CDH2: variants seen among roughly 807,000 people sequenced by gnomAD.
The protein encoded by CDH2 is cadherin-2.
In CDH2, 17 loss-of-function variants were observed where a neutral mutation model predicts 92.0. The ratio of observed to expected loss-of-function variants is 0.18; its 90% CI spans 0.13 to 0.28. The LOEUF (loss-of-function observed/expected upper bound fraction) is 0.28. Ranked by LOEUF, CDH2 falls within the 10% of genes least tolerant of loss-of-function variation. The pLI, the probability that CDH2 is intolerant of heterozygous loss-of-function variation, is 1.00. For synonymous variants in CDH2, 419 were observed against 415.9 expected, an observed-to-expected ratio of 1.01 and a Z score of -0.09; for missense variants, 862 against 1,133.1, an observed-to-expected ratio of 0.76 and a Z score of 3.44.
At chr18:28,069,092 T>C (rs1306834192) in intron 2 of CDH2, among the ~76,000 whole-genome samples, 1 of 152,206 alleles carries the variant, frequency 6.6e-6, no homozygotes, top group East Asian at 1.9e-4. Context: ...ATATGAAAAT[T>C]AATTCATCTC....
chr18:28,151,568 T>C (rs12959675), intron 1 of CDH2, among the ~76,000 whole-genome samples: 1 of 152,142 alleles, frequency 6.6e-6, no homozygotes, highest in East Asian at 1.9e-4. Flanking sequence ...AGGATCACTG[T>C]CTGCTCAAGT....
chr18:27,937,883 C>T lies in CDH2; in HGVS notation c.1152-4759G>A, dbSNP rs762548328. Among the ~76,000 whole-genome samples the T allele has an allele frequency of 3.3e-5, 5 of 152,134 alleles. No homozygotes were observed. In the South Asian group the frequency reaches 6.2e-4, roughly 19 times the overall value. On this transcript the variant is annotated intron_variant, in intron 6 of 6. Coordinates refer to the CDH2 transcript ENST00000675173. Reference sequence around the variant, plus strand: ...AAGTTTTTATTTAATTTTGAAAACACCAAAATATTTTTTTAACTTCTTTAA... The same window carrying T: ...AAGTTTTTATTTAATTTTGAAAACATCAAAATATTTTTTTAACTTCTTTAA...
chr18:28,004,787 T>A (rs1175981087), intron 6 of CDH2, among the ~76,000 whole-genome samples: 1 of 152,072 alleles, frequency 6.6e-6, no homozygotes, highest in Non-Finnish European at 1.5e-5. Context: ...TTAGAAGGAG[T>A]CACAGATGGC....
At chr18:28,003,191 A>G in intron 6 of CDH2, 22 bp from the exon 7 acceptor site, 1 of 1,589,686 alleles carries the variant, frequency 6.3e-7, no homozygotes, top group South Asian at 1.1e-5. Flanking sequence ...GTACATGGAA[A>G]ATGAATGGTT....
chr18:27,971,015 A>T (rs539235516), intron 14 of CDH2, among the ~76,000 whole-genome samples: 1 of 152,328 alleles, frequency 6.6e-6, no homozygotes, highest in African/African-American at 2.4e-5. Context: ...AGGAGGATGG[A>T]TCACGAGGTC....
At chr18:28,028,108 T>G (rs965819755) in intron 2 of CDH2, among the ~76,000 whole-genome samples, 3 of 152,038 alleles carry the variant, frequency 2.0e-5, no homozygotes, top group African/African-American at 7.2e-5. Context: ...AACATGAATT[T>G]TACTCATAAC....
chr18:28,086,160 T>C (rs913985697), intron 2 of CDH2, among the ~76,000 whole-genome samples: 14 of 152,148 alleles, frequency 9.2e-5, no homozygotes, highest in Admixed American at 2.0e-4. Flanking sequence ...TAGTTTGCAA[T>C]TGAGAAGTTG....
intron 7 of CDH2, among the ~76,000 whole-genome samples, chr18:27,999,461 T>C (rs1030005097): frequency 6.6e-6 from 1 of 152,020 alleles, no homozygotes; most frequent in Admixed American, 6.6e-5. Context: ...AACTAGGAGT[T>C]GAAGGCACAA....
chr18:27,945,439 C>T (rs1323287544), intron 6 of CDH2, among the ~76,000 whole-genome samples: 1 of 143,152 alleles, frequency 7.0e-6, no homozygotes, highest in African/African-American at 2.6e-5. Flanking sequence ...TTGTATGAGT[C>T]AAAAAAGTGA....
chr18:27,947,134 T>C (rs746552521), downstream of CDH2, among the ~76,000 whole-genome samples: 2 of 151,634 alleles, frequency 1.3e-5, no homozygotes, highest in Non-Finnish European at 3.0e-5. Context: ...GCCGTTATGA[T>C]TGTTTGTCAG....
chr18:28,090,446 G>A (rs1488819475), intron 2 of CDH2, among the ~76,000 whole-genome samples: 3 of 152,140 alleles, frequency 2.0e-5, no homozygotes, highest in Non-Finnish European at 4.4e-5. Context: ...GGCCAGAAAT[G>A]ACTGCACTAT....
At position 28,166,164 on chromosome 18, in the gene CDH2, ATATATATATGTC is replaced by A. The variant is rs899660153; in HGVS notation, c.60+10787_60+10798del. 2.8e-3 allele frequency among the ~76,000 whole-genome samples: 385 copies of A among 138,510 alleles called. 7 individuals carry two copies. The highest frequency in any genetic ancestry group is 3.9e-3 in the Non-Finnish European group (248 of 63,622). 90.9% of individuals were successfully genotyped at this position (138,510 alleles called of 152,430 possible). On this transcript the variant is annotated intron_variant, in intron 1 of 15. Coordinates refer to ENST00000269141, the MANE Select transcript of CDH2 (RefSeq NM_001792.5). ...CAGACACACTCATATATATATATAT[ATATATATATGTC>A]TGTATTTTAATTATGAAGAATCAAG... is the stretch of plus-strand genomic sequence containing the variant.
chr18:28,134,866 G>T (rs1435686625), intron 2 of CDH2, among the ~76,000 whole-genome samples: 1 of 152,082 alleles, frequency 6.6e-6, no homozygotes, highest in East Asian at 1.9e-4. Context: ...TAGCAACATG[G>T]ACTTTAAAAA....
Position 28,103,143 on chromosome 18 carries a change from T to C in CDH2, c.172+44530A>G, listed in dbSNP as rs1226932513. On this transcript the variant is annotated intron_variant, in intron 2 of 15. Coordinates refer to ENST00000269141, the MANE Select transcript of CDH2 (RefSeq NM_001792.5). Reference sequence around the variant, plus strand: ...TTATGCCCAATTAATAAACTCCTTATATATATATATAAACTCCTTTATATA... The same window carrying C: ...TTATGCCCAATTAATAAACTCCTTACATATATATATAAACTCCTTTATATA... Among the ~76,000 whole-genome samples, 9 of 146,370 alleles carry C rather than the reference T, an allele frequency of 6.1e-5. No homozygotes were observed. The East Asian group carries it at 1.8e-3, about 29-fold the overall frequency.
At chr18:27,997,305 A>C (rs562801304) in intron 7 of CDH2, among the ~76,000 whole-genome samples, 19 of 152,352 alleles carry the variant, frequency 1.2e-4, no homozygotes, top group African/African-American at 4.6e-4. Flanking sequence ...AAATGTCTTC[A>C]AAATGCCAGG....
intron 1 of CDH2, among the ~76,000 whole-genome samples, chr18:28,166,178 G>T (rs371451988): frequency 3.1e-4 from 5 of 16,088 alleles, no homozygotes; most frequent in Admixed American, 5.6e-4. Context: ...ATATATGTCT[G>T]TATTTTAATT....
chr18:28,001,327 C>T (rs2012758804), intron 7 of CDH2, among the ~76,000 whole-genome samples: 1 of 152,182 alleles, frequency 6.6e-6, no homozygotes, highest in Non-Finnish European at 1.5e-5. Context: ...TTCCATAAAA[C>T]ATCCAGTCTA....
At chr18:27,992,434 A>C (rs1204937695) in intron 9 of CDH2, among the ~76,000 whole-genome samples, 2 of 152,146 alleles carry the variant, frequency 1.3e-5, no homozygotes, top group Non-Finnish European at 2.9e-5. Flanking sequence ...CTCATTCAAA[A>C]ACCCTCACAT....
intron 6 of CDH2, among the ~76,000 whole-genome samples, chr18:27,941,243 G>A (rs1443681926): frequency 6.6e-6 from 1 of 151,986 alleles, no homozygotes; most frequent in Admixed American, 6.5e-5. Flanking sequence ...CACCGTGTTA[G>A]CCAGGATGGT....
Sources: gnomAD v4.1 joint callset for allele counts (sites outside exome capture counted in the v4.1 genomes callset) on GRCh38, gnomAD v4.1.1 for gene constraint, MANE v1.5 for transcripts, NCBI Gene and HGNC (gene_info 2026-07-23, HGNC 2026-07-21) for gene names.